SASH1: variants seen among roughly 807,000 people sequenced by gnomAD.
SASH1 encodes SAM and SH3 domain containing 1.
Under a neutral mutation model 125.2 loss-of-function variants are expected in SASH1, and 44 were observed. The observed-to-expected ratio is 0.35, with a 90% confidence interval of 0.28 to 0.45. The LOEUF (loss-of-function observed/expected upper bound fraction) is 0.45. Among genes scored for constraint, SASH1 ranks in the 20% least tolerant of loss-of-function variants. SASH1 has a pLI of 1.00. For missense variants in SASH1, 1,426 were observed against 1,614.5 expected (o/e 0.88, Z 2.00); for synonymous variants, 639 against 649.1 (o/e 0.98, Z 0.24).
chr6:148,325,158 G>A (rs1780761914), intron 1 of SASH1, among the ~76,000 whole-genome samples: 1 of 152,188 alleles, frequency 6.6e-6, no homozygotes, highest in African/African-American at 2.4e-5. Flanking sequence ...TGGCTGGGGA[G>A]GCTCAGAAAA....
chr6:148,532,767 AC>A lies in SASH1; in HGVS notation c.1565-27del. On this transcript the variant is annotated intron_variant, in intron 13 of 19. Coordinates refer to ENST00000367467, the MANE Select transcript of SASH1 (RefSeq NM_015278.5). This position sits in a 1 kb window ranked among gnomAD's most constrained non-coding sequence, Gnocchi z 4.7. ...TTTGCTGGGTGGGAAATCTGGATCT[AC>A]CCGTGTTCTTCCTATGTTTCCTGTA... The A allele has an allele frequency of 6.2e-7, 1 of 1,611,880 alleles. No homozygotes were observed.
At chr6:148,313,580 C>T (rs193195594) in intron 1 of SASH1, among the ~76,000 whole-genome samples, 59 of 152,276 alleles carry the variant, frequency 3.9e-4, no homozygotes, top group Admixed American at 2.0e-3. Flanking sequence ...TATAAATACA[C>T]AAACCTATGT....
chr6:148,516,548 C>T (rs968224751), intron 9 of SASH1, among the ~76,000 whole-genome samples: 7 of 143,662 alleles, frequency 4.9e-5, no homozygotes, highest in African/African-American at 1.8e-4. Flanking sequence ...GATCCTTTGA[C>T]TTCCTGCGTG....
At chr6:148,312,801 A>G (rs1780367343) in intron 1 of SASH1, among the ~76,000 whole-genome samples, 2 of 152,248 alleles carry the variant, frequency 1.3e-5, no homozygotes, top group Middle Eastern at 3.4e-3. Flanking sequence ...CAGCCTTAGG[A>G]GATAGGTTCT....
intron 1 of SASH1, among the ~76,000 whole-genome samples, chr6:148,378,812 C>T (rs1418649206): frequency 6.6e-6 from 1 of 152,172 alleles, no homozygotes; most frequent in Non-Finnish European, 1.5e-5. Flanking sequence ...GGTCTGCTGT[C>T]AAGGATCACA....
chr6:148,361,883 T>C (rs1782223982), intron 1 of SASH1, among the ~76,000 whole-genome samples: 1 of 151,428 alleles, frequency 6.6e-6, no homozygotes, highest in African/African-American at 2.4e-5. Context: ...CCCTGATGAA[T>C]GTCCAGCATT....
At chr6:148,505,036 A>G (rs1221220797) in intron 8 of SASH1, among the ~76,000 whole-genome samples, 1 of 152,186 alleles carries the variant, frequency 6.6e-6, no homozygotes, top group African/African-American at 2.4e-5. Flanking sequence ...CTTCATGTGT[A>G]TTTCACATGG....
chr6:148,276,895 G>A (rs1056211594), intron 1 of SASH1, among the ~76,000 whole-genome samples: 3 of 151,910 alleles, frequency 2.0e-5, no homozygotes. Flanking sequence ...GACAAGCCTG[G>A]GCAATGTAGC....
intron 1 of SASH1, among the ~76,000 whole-genome samples, chr6:148,381,534 C>T (rs1349499318): frequency 6.7e-6 from 1 of 149,362 alleles, no homozygotes; most frequent in Non-Finnish European, 1.5e-5. Flanking sequence ...AACTCACAGG[C>T]AGTGGGGTTC....
chr6:148,439,163 A>G (rs910494958), intron 2 of SASH1, among the ~76,000 whole-genome samples: 4 of 152,158 alleles, frequency 2.6e-5, no homozygotes, highest in Admixed American at 6.6e-5. Flanking sequence ...TTTACTTTCA[A>G]AGGAGATACA....
intron 2 of SASH1, among the ~76,000 whole-genome samples, chr6:148,397,084 C>T (rs560952586): frequency 1.3e-5 from 2 of 152,052 alleles, no homozygotes; most frequent in Non-Finnish European, 2.9e-5. Flanking sequence ...ATCATAATAC[C>T]GTGAACGTCC....
At chr6:148,507,810 C>A (rs1054213386) in intron 8 of SASH1, among the ~76,000 whole-genome samples, 1 of 152,162 alleles carries the variant, frequency 6.6e-6, no homozygotes, top group African/African-American at 2.4e-5. Context: ...CATGAAGACT[C>A]ACCCAACAGG....
At chr6:148,230,349 C>CTT in the SASH1 span, among the ~76,000 whole-genome samples, 1 of 147,440 alleles carries the variant, frequency 6.8e-6, no homozygotes, top group African/African-American at 2.5e-5. Context: ...TTTTTCTTTT[C>CTT]TTTTTTTTTT....
At chr6:148,299,628 C>T (rs962125319) in intron 1 of SASH1, among the ~76,000 whole-genome samples, 1 of 148,300 alleles carries the variant, frequency 6.7e-6, no homozygotes, top group Admixed American at 6.8e-5. Flanking sequence ...GATCACGCCA[C>T]TCACTCCAGC....
intron 4 of SASH1, among the ~76,000 whole-genome samples, chr6:148,458,966 C>CA (rs36114725): frequency 0.6 from 79,141 of 132,770 alleles, 25,227 homozygotes; most frequent in Middle Eastern, 0.73. Context: ...GAACCTGTCT[C>CA]AAAAAAAAAA....
intron 1 of SASH1, among the ~76,000 whole-genome samples, chr6:148,371,698 G>A (rs911802313): frequency 1.1e-4 from 16 of 152,110 alleles, no homozygotes; most frequent in African/African-American, 3.6e-4. Context: ...TGGGTTCATG[G>A]TGGTCCTAAA....
chr6:148,326,376 ATTCTTTTCTT>A (rs71004287), intron 1 of SASH1, among the ~76,000 whole-genome samples: 394 of 38,136 alleles, frequency 0.01, 1 homozygote, highest in Middle Eastern at 0.037. Flanking sequence ...ATATATATAC[ATTCTTTTCTT>A]TTCTTTTCTT....
intron 10 of SASH1, 151 bp downstream of exon 10, chr6:148,520,044 C>T (rs148669185): frequency 9.2e-4 from 577 of 625,622 alleles, no homozygotes; most frequent in Non-Finnish European, 1.3e-3. Flanking sequence ...TCTCTGCCAG[C>T]GTCCCTCCAG....
chr6:148,532,941 A>G lies in SASH1; in HGVS notation c.1709A>G (p.Tyr570Cys). The change falls in exon 14 of 20, where the codon TAT (tyrosine) becomes TGT (cysteine). Residue 570 changes from tyrosine to cysteine, a missense_variant. Coordinates refer to ENST00000367467, the MANE Select transcript of SASH1 (RefSeq NM_015278.5). The surrounding 1 kb of genome is among the most constrained non-coding windows in gnomAD (Gnocchi z 4.7). ...RVHTDFTPSPYDTDSLKLKKG... is the reference protein window; with the variant it reads ...RVHTDFTPSPCDTDSLKLKKG... The stretch of plus-strand genomic sequence containing the variant: ...CACACCGACTTCACCCCCAGTCCCT[A>G]TGACACAGACTCACTCAAGCTCAAG... 1 of 1,614,114 alleles carries G rather than the reference A, an allele frequency of 6.2e-7. No individual in the cohort carries two copies. Among genetic ancestry groups the G allele is most frequent in the South Asian group, 1.1e-5 (1 of 91,078 alleles).
Sources: gnomAD v4.1 joint callset for allele counts (sites outside exome capture counted in the v4.1 genomes callset) on GRCh38, gnomAD v4.1.1 for gene constraint, Gnocchi (gnomAD v3.1) non-coding constraint, MANE v1.5 for transcripts, NCBI Gene and HGNC (gene_info 2026-07-23, HGNC 2026-07-21) for gene names.